The following ENPP2 variants were observed in gnomAD, a reference collection of about 807,000 sequenced individuals.
ENPP2 encodes the protein ectonucleotide pyrophosphatase/phosphodiesterase 2.
ENPP2 carries 51 observed loss-of-function variants against 120.2 expected under a neutral mutation model. The observed-to-expected ratio is 0.42, with a 90% confidence interval of 0.34 to 0.54. The LOEUF is 0.54. Ranked by LOEUF, ENPP2 falls within the 20% of genes least tolerant of loss-of-function variation. The pLI, the probability that ENPP2 is intolerant of heterozygous loss-of-function variation, is 0.04. For missense variants in ENPP2, 920 were observed against 1,066.5 expected (o/e 0.86, Z 1.91); for synonymous variants, 365 against 366.4 (o/e 1.00, Z 0.04).
upstream of ENPP2, among the ~76,000 whole-genome samples, chr8:119,641,985 T>TG (rs1817298098): frequency 6.6e-6 from 1 of 151,928 alleles, no homozygotes; most frequent in Admixed American, 6.6e-5. Context: ...AGGAGGAACT[T>TG]GCAGTTAGAT....
chr8:119,648,581 A>C (rs1314576607), intron 1 of ENPP2, among the ~76,000 whole-genome samples: 1 of 152,208 alleles, frequency 6.6e-6, no homozygotes, highest in Admixed American at 6.5e-5. Context: ...GGAAGTTTAC[A>C]CTTGCCGCTG....
At chr8:119,582,362 A>C in intron 18 of ENPP2, 56 bp downstream of exon 18, 7 of 1,368,058 alleles carry the variant, frequency 5.1e-6, no homozygotes, top group Non-Finnish European at 7.2e-6. Context: ...TCTATGGGCC[A>C]GCACTGTTAG....
chr8:119,595,157 G>T (rs1426043786), intron 11 of ENPP2, among the ~76,000 whole-genome samples: 1 of 152,212 alleles, frequency 6.6e-6, no homozygotes, highest in Admixed American at 6.5e-5. Context: ...CTTTGGCAAT[G>T]ACTTATTTTC....
At chr8:119,644,627 C>G (rs35812973) in intron 1 of ENPP2, among the ~76,000 whole-genome samples, 1 of 57,322 alleles carries the variant, frequency 1.7e-5, no homozygotes, top group African/African-American at 5.6e-5. Context: ...TATATATATA[C>G]ACACACACAC....
At chr8:119,561,625 T>A (rs531383953) in intron 24 of ENPP2, among the ~76,000 whole-genome samples, 2 of 152,172 alleles carry the variant, frequency 1.3e-5, no homozygotes, top group Admixed American at 1.3e-4. Context: ...TCCTCCCTAG[T>A]GTTTTCATGA....
chr8:119,564,065 G>T (rs942849801), intron 23 of ENPP2, among the ~76,000 whole-genome samples: 1 of 151,312 alleles, frequency 6.6e-6, no homozygotes, highest in Non-Finnish European at 1.5e-5. Flanking sequence ...CTAGACTGTG[G>T]GGTCCCTTAT....
Position 119,557,294 on chromosome 8 carries a change from C to T in ENPP2, c.*227G>A. 1 of 465,896 alleles carries T rather than the reference C, an allele frequency of 2.1e-6. No homozygotes were observed. The highest frequency in any genetic ancestry group is 3.8e-6 in the Non-Finnish European group (1 of 265,118). The allele number at this position is 465,896 out of a possible 1,614,324, so 28.9% of individuals were successfully genotyped here. On this transcript the variant is annotated 3_prime_UTR_variant, in exon 25 of 25. Transcript: ENST00000075322. The stretch of plus-strand genomic sequence containing the variant: ...CTGCAGCACCATTTAGAAGCTTCCA[C>T]TAAAAACTCAAGCTGCAGTATTTAT...
chr8:119,585,646 T>C (rs1813053701), intron 15 of ENPP2, among the ~76,000 whole-genome samples: 1 of 152,160 alleles, frequency 6.6e-6, no homozygotes, highest in Admixed American at 6.5e-5. Context: ...CTAGACCACA[T>C]TCAAAAGCAA....
At chr8:119,584,471 G>T (rs60502584) in intron 15 of ENPP2, among the ~76,000 whole-genome samples, 110 of 152,120 alleles carry the variant, frequency 7.2e-4, no homozygotes, top group African/African-American at 2.6e-3. Flanking sequence ...AAAATGTGAT[G>T]TCTCACCTAT....
At chr8:119,650,108 G>A (rs1817584816) in intron 1 of ENPP2, among the ~76,000 whole-genome samples, 1 of 152,170 alleles carries the variant, frequency 6.6e-6, no homozygotes, top group African/African-American at 2.4e-5. Context: ...ACTGATGAAT[G>A]GATAAACGAA....
intron 22 of ENPP2, among the ~76,000 whole-genome samples, chr8:119,567,327 A>G (rs1814548092): frequency 6.6e-6 from 1 of 152,232 alleles, no homozygotes; most frequent in African/African-American, 2.4e-5. Context: ...GTTAACAGAA[A>G]CAAAAAATGC....
chr8:119,567,094 T>A (rs1460142004), intron 22 of ENPP2, among the ~76,000 whole-genome samples: 2 of 152,180 alleles, frequency 1.3e-5, no homozygotes, highest in Admixed American at 1.3e-4. Context: ...GAGAGTTACA[T>A]AACACAGCCT....
chr8:119,653,971 ATAT>A (rs1291843657), intron 1 of ENPP2, among the ~76,000 whole-genome samples: 3 of 147,462 alleles, frequency 2.0e-5, no homozygotes, highest in Non-Finnish European at 3.0e-5. Context: ...AATAGATTAC[ATAT>A]TATTATATAT....
intron 11 of ENPP2, among the ~76,000 whole-genome samples, chr8:119,600,447 T>C (rs1814217146): frequency 6.6e-6 from 1 of 152,228 alleles, no homozygotes; most frequent in African/African-American, 2.4e-5. Context: ...ACATCAAGTT[T>C]AGGATATATT....
intron 1 of ENPP2, among the ~76,000 whole-genome samples, chr8:119,670,480 C>T (rs1818208894): frequency 6.6e-6 from 1 of 152,154 alleles, no homozygotes; most frequent in Non-Finnish European, 1.5e-5. Flanking sequence ...TGGGTCTAAG[C>T]ACTAACTGTA....
Position 119,638,486 on chromosome 8 carries a change from G to A in ENPP2, c.75C>T (p.Cys25=), listed in dbSNP as rs1377104041. 1 of 1,610,602 alleles carries A rather than the reference G, an allele frequency of 6.2e-7. No individual in the cohort carries two copies. The highest frequency in any genetic ancestry group is 1.7e-5 in the Admixed American group (1 of 60,014). The change falls in exon 2 of 25, where the codon TGC becomes TGT. Residue 25 remains cysteine (C), a synonymous_variant. Coordinates refer to ENST00000075322, the MANE Select transcript of ENPP2 (RefSeq NM_001040092.3). The part of the protein sequence containing the change: ...LFTFAVGVNI[C]LGFTAHRIKR... ...TAATTCGATGTGCAGTGAATCCTAA[G>A]CAGATATTGACTCCAACGGCAAAAG... is the stretch of plus-strand genomic sequence containing the variant.
chr8:119,572,233 T>G, intron 19 of ENPP2: 2 of 1,554,046 alleles, frequency 1.3e-6, no homozygotes, highest in Non-Finnish European at 1.7e-6. Context: ...CTGCTGCCTC[T>G]GAATTTCCTG....
intron 2 of ENPP2, among the ~76,000 whole-genome samples, chr8:119,630,927 T>C (rs1362378043): frequency 6.6e-6 from 1 of 151,698 alleles, no homozygotes; most frequent in African/African-American, 2.4e-5. Context: ...GGAGTTTTGC[T>C]CTTGTCACCC....
chr8:119,636,578 AG>A (rs1817012477), intron 2 of ENPP2, among the ~76,000 whole-genome samples: 1 of 152,230 alleles, frequency 6.6e-6, no homozygotes, highest in Admixed American at 6.5e-5. Flanking sequence ...AAGACCATTT[AG>A]GTTTATAAAT....
Sources: allele counts gnomAD v4.1 joint callset (sites outside exome capture counted in the v4.1 genomes callset), GRCh38; gene constraint gnomAD v4.1.1; transcripts MANE v1.5; gene names NCBI Gene and HGNC (gene_info 2026-07-23, HGNC 2026-07-21).